WDPCP: variants seen among roughly 807,000 people sequenced by gnomAD.
WDPCP encodes WD repeat containing planar cell polarity effector, also known as WD repeat-containing and planar cell polarity effector protein fritz homolog.
In WDPCP, 71 loss-of-function variants were observed where a neutral mutation model predicts 93.1. The observed-to-expected ratio is 0.76, with a 90% CI of 0.63 to 0.93. WDPCP has a LOEUF of 0.93. WDPCP is among the 40% of genes least tolerant of loss of function. WDPCP has a pLI of 0.00. For synonymous variants in WDPCP, 315 were observed against 315.0 expected (o/e 1.00, Z 0.00); for missense variants, 844 against 887.4 (o/e 0.95, Z 0.62).
intron 1 of WDPCP, among the ~76,000 whole-genome samples, chr2:63,551,785 A>T (rs2121350): frequency 2.0e-5 from 3 of 151,692 alleles, no homozygotes; most frequent in South Asian, 2.1e-4. Context: ...CCAAAGACAC[A>T]TATGTGAATT....
chr2:63,418,362 T>C (rs189591760), intron 9 of WDPCP, among the ~76,000 whole-genome samples: 12 of 152,298 alleles, frequency 7.9e-5, no homozygotes, highest in Middle Eastern at 6.8e-3. Context: ...GACAACGATC[T>C]GAACAAAAGC....
chr2:63,515,711 A>AT (rs1702507393), intron 1 of WDPCP, among the ~76,000 whole-genome samples: 1 of 152,138 alleles, frequency 6.6e-6, no homozygotes, highest in East Asian at 1.9e-4. Context: ...CTTTACATGC[A>AT]TTTTCTCATT....
intron 14 of WDPCP, chr2:63,232,511 C>G (rs1451457501): frequency 6.6e-6 from 1 of 152,334 alleles, no homozygotes; most frequent in Non-Finnish European, 1.5e-5. Context: ...AGTTCACTGT[C>G]CTTACTGCGA....
intron 3 of WDPCP, chr2:63,622,279 T>A (rs1709750504): frequency 6.2e-7 from 1 of 1,606,010 alleles, no homozygotes. Context: ...GCCTTCTCCT[T>A]GGCTTCCTTG....
intron 2 of WDPCP, among the ~76,000 whole-genome samples, chr2:63,760,430 TCTGTGGAATATTTCCCTTC>T (rs1378013775): frequency 6.6e-6 from 1 of 152,054 alleles, no homozygotes; most frequent in African/African-American, 2.4e-5. Context: ...CAACATGAAA[TCTGTGGAATATTTCCCTTC>T]CTGCCCCTAA....
intron 14 of WDPCP, among the ~76,000 whole-genome samples, chr2:63,212,689 C>G (rs1676931066): frequency 6.6e-6 from 1 of 151,652 alleles, no homozygotes; most frequent in South Asian, 2.1e-4. Flanking sequence ...GATAAAGAGT[C>G]AAGACCCATC....
chr2:63,684,414 C>T, intron 2 of WDPCP: 2 of 834,378 alleles, frequency 2.4e-6, no homozygotes, highest in South Asian at 2.7e-5. Flanking sequence ...CTCAGATCGC[C>T]CCTACAGCCA....
intron 2 of WDPCP, among the ~76,000 whole-genome samples, chr2:63,709,142 AG>A: frequency 1.5e-5 from 1 of 66,562 alleles, no homozygotes; most frequent in Non-Finnish European, 3.3e-5. Flanking sequence ...CTGAGGCCAG[AG>A]AATCACTTGA....
chr2:63,181,579 T>C (rs975166715), intron 14 of WDPCP, among the ~76,000 whole-genome samples: 2 of 152,204 alleles, frequency 1.3e-5, no homozygotes, highest in East Asian at 1.9e-4. Context: ...AGTACCATGC[T>C]GTTTTGGTTA....
Position 63,485,842 on chromosome 2 carries a change from A to G in WDPCP, c.253+700T>C, listed in dbSNP as rs558576372. ...ACATATACATATACATAGTATACAT[A>G]GATACTTAAATTTAAGAGTAGAATT... is the stretch of plus-strand genomic sequence containing the variant. On this transcript the variant is annotated intron_variant, in intron 4 of 17. Transcript: ENST00000272321. Among the ~76,000 whole-genome samples, 133 of 151,966 alleles carry G rather than the reference A, an allele frequency of 8.8e-4. No individual in the cohort carries two copies. The Middle Eastern group carries it at 0.012, about 13-fold the overall frequency.
chr2:63,386,914 G>A (rs185465708), intron 10 of WDPCP, among the ~76,000 whole-genome samples: 2 of 151,978 alleles, frequency 1.3e-5, no homozygotes, highest in East Asian at 1.9e-4. Context: ...TTCTGGGAAC[G>A]TACACCCTGT....
At chr2:63,127,875 C>T (rs778487915) in intron 17 of WDPCP, among the ~76,000 whole-genome samples, 34 of 151,938 alleles carry the variant, frequency 2.2e-4, no homozygotes, top group Admixed American at 9.8e-4. Flanking sequence ...CATGGTGGCT[C>T]ACGACTGTAA....
chr2:63,154,439 T>C (rs1219978406), intron 15 of WDPCP, among the ~76,000 whole-genome samples: 1 of 152,150 alleles, frequency 6.6e-6, no homozygotes, highest in Non-Finnish European at 1.5e-5. Context: ...TCATTCAGTA[T>C]AATGCCCTGA....
intron 9 of WDPCP, among the ~76,000 whole-genome samples, chr2:63,408,573 G>C (rs139469918): frequency 1.3e-3 from 204 of 152,210 alleles, no homozygotes; most frequent in Non-Finnish European, 2.3e-3. Flanking sequence ...AACAGGACAA[G>C]ACATCCGGGA....
chr2:63,767,704 T>A (rs1670163679), intron 2 of WDPCP, among the ~76,000 whole-genome samples: 1 of 152,126 alleles, frequency 6.6e-6, no homozygotes, highest in East Asian at 1.9e-4. Flanking sequence ...TTCTTATTGT[T>A]GAGTTTCAAG....
chr2:63,767,859 T>G (rs552710858), intron 2 of WDPCP, among the ~76,000 whole-genome samples: 1 of 152,122 alleles, frequency 6.6e-6, no homozygotes, highest in South Asian at 2.1e-4. Context: ...TTTATCAAAA[T>G]TTTTAAATGG....
chr2:63,268,995 G>C (rs1320586296), intron 13 of WDPCP, among the ~76,000 whole-genome samples: 2 of 152,010 alleles, frequency 1.3e-5, no homozygotes, highest in African/African-American at 2.4e-5. Context: ...ATCTTGGAGA[G>C]AGCCATCATG....
chr2:63,277,334 C>A (rs966747804), intron 13 of WDPCP, among the ~76,000 whole-genome samples: 3 of 152,020 alleles, frequency 2.0e-5, no homozygotes, highest in Non-Finnish European at 4.4e-5. Flanking sequence ...AAACAAAAAA[C>A]AAAAACACAA....
At chr2:63,563,837 G>A (rs932333082) in intron 1 of WDPCP, among the ~76,000 whole-genome samples, 1 of 152,178 alleles carries the variant, frequency 6.6e-6, no homozygotes, top group African/African-American at 2.4e-5. Flanking sequence ...AATTGGGCTT[G>A]TCAGCCTCCA....
Sources: allele counts gnomAD v4.1 joint callset (sites outside exome capture counted in the v4.1 genomes callset), GRCh38; gene constraint gnomAD v4.1.1; transcripts MANE v1.5; gene names NCBI Gene and HGNC (gene_info 2026-07-23, HGNC 2026-07-21).